TBXAS1: variants seen among roughly 807,000 people sequenced by gnomAD.
The protein encoded by TBXAS1 is thromboxane-A synthase.
In TBXAS1, 48 loss-of-function variants were observed where a neutral mutation model predicts 60.7. That is an observed-to-expected ratio of 0.79 (90% CI 0.63 to 1.01). The LOEUF (loss-of-function observed/expected upper bound fraction) is 1.01, where lower values mean the gene tolerates loss of function less well. Ranked by LOEUF, TBXAS1 falls within the 50% of genes least tolerant of loss-of-function variation. The pLI is 0.00. For synonymous variants in TBXAS1, 287 were observed against 269.7 expected (o/e 1.06, Z -0.63); for missense variants, 685 against 686.3 (o/e 1.00, Z 0.02).
intron 9 of TBXAS1, among the ~76,000 whole-genome samples, chr7:139,991,695 G>A (rs1403274229): frequency 6.6e-6 from 1 of 152,214 alleles, no homozygotes; most frequent in Non-Finnish European, 1.5e-5. Context: ...TGGAAGATGG[G>A]GAGTGGTGAC....
chr7:139,876,418 T>C (rs1327408899), intron 3 of TBXAS1, among the ~76,000 whole-genome samples: 3 of 152,190 alleles, frequency 2.0e-5, no homozygotes, highest in African/African-American at 7.2e-5. Flanking sequence ...TTTAGTTGGT[T>C]TTCACGCAGC....
intron 4 of TBXAS1, among the ~76,000 whole-genome samples, chr7:139,809,199 G>A (rs1225632488): frequency 1.0e-5 from 1 of 96,528 alleles, no homozygotes. Flanking sequence ...GGAGATAGAT[G>A]ATAGATAGAT....
At chr7:139,878,782 A>C (rs932436765) in intron 3 of TBXAS1, among the ~76,000 whole-genome samples, 1 of 152,108 alleles carries the variant, frequency 6.6e-6, no homozygotes, top group African/African-American at 2.4e-5. Context: ...TTTATTTTTT[A>C]TTTTACTTTT....
chr7:139,830,290 G>A (rs764746), intron 1 of TBXAS1, among the ~76,000 whole-genome samples: 103,835 of 152,078 alleles, frequency 0.68, 37,344 homozygotes, highest in East Asian at 0.92. Flanking sequence ...AATAATGGAG[G>A]ACTGGAGTCC....
chr7:139,985,882 A>G (rs1431233577), intron 9 of TBXAS1, among the ~76,000 whole-genome samples: 2 of 152,068 alleles, frequency 1.3e-5, no homozygotes, highest in African/African-American at 2.4e-5. Context: ...CCTCCCCCAT[A>G]GTGTGTGGAC....
At chr7:139,824,980 C>T (rs1315788944), upstream of TBXAS1, among the ~76,000 whole-genome samples, 1 of 151,804 alleles carries the variant, frequency 6.6e-6, no homozygotes, top group Non-Finnish European at 1.5e-5. Flanking sequence ...CAGGCACCTG[C>T]CATCATGCCT....
At chr7:139,917,853 G>C (rs1326637344) in intron 4 of TBXAS1, among the ~76,000 whole-genome samples, 2 of 152,182 alleles carry the variant, frequency 1.3e-5, no homozygotes, top group African/African-American at 2.4e-5. Flanking sequence ...TTAACAAAAA[G>C]AAATTAGTAA....
chr7:140,011,323 A>C (rs1439614959), intron 10 of TBXAS1, among the ~76,000 whole-genome samples: 1 of 105,072 alleles, frequency 9.5e-6, no homozygotes, highest in Non-Finnish European at 1.8e-5. Flanking sequence ...TCCCCTAAAC[A>C]ATGAAGAATA....
chr7:139,925,530 C>T (rs139295670), intron 4 of TBXAS1, among the ~76,000 whole-genome samples: 1 of 152,078 alleles, frequency 6.6e-6, no homozygotes, highest in Non-Finnish European at 1.5e-5. Flanking sequence ...TTTATGAGAT[C>T]TAATAGCTTT....
At chr7:140,009,976 C>T (rs1814469511) in intron 10 of TBXAS1, among the ~76,000 whole-genome samples, 1 of 123,132 alleles carries the variant, frequency 8.1e-6, no homozygotes, top group Admixed American at 8.2e-5. Context: ...ACCTGCCCCA[C>T]ACCTGCCCCA....
chr7:139,830,382 A>G (rs1196088393), intron 1 of TBXAS1, among the ~76,000 whole-genome samples: 1 of 152,214 alleles, frequency 6.6e-6, no homozygotes, highest in Non-Finnish European at 1.5e-5. Context: ...GAAAAGCATC[A>G]AGCATTATGC....
intron 5 of TBXAS1, among the ~76,000 whole-genome samples, chr7:139,939,541 A>C (rs1359170848): frequency 6.6e-6 from 1 of 151,940 alleles, no homozygotes; most frequent in Non-Finnish European, 1.5e-5. Flanking sequence ...TCCATCCCAG[A>C]GGCAGGAGAA....
intron 1 of TBXAS1, among the ~76,000 whole-genome samples, chr7:139,865,997 G>T (rs920731603): frequency 6.6e-6 from 1 of 152,142 alleles, no homozygotes; most frequent in Non-Finnish European, 1.5e-5. Context: ...GAATGAAGAA[G>T]AAATGATAGG....
intron 11 of TBXAS1, 50 bp from the exon 12 acceptor site, chr7:140,017,621 A>G: frequency 4.4e-6 from 7 of 1,607,108 alleles, no homozygotes; most frequent in Non-Finnish European, 5.1e-6. Flanking sequence ...AGGGCTGCAG[A>G]GGGGAGGGAG....
At chr7:139,947,133 A>G (rs949933124) in intron 5 of TBXAS1, among the ~76,000 whole-genome samples, 1 of 152,014 alleles carries the variant, frequency 6.6e-6, no homozygotes, top group Non-Finnish European at 1.5e-5. Flanking sequence ...TTTCACAGAC[A>G]CAGTTGGTAG....
chr7:139,937,126 G>A (rs779677983), intron 5 of TBXAS1, among the ~76,000 whole-genome samples: 6 of 152,174 alleles, frequency 3.9e-5, no homozygotes, highest in Non-Finnish European at 7.4e-5. Context: ...TCTGGCTTTG[G>A]TGTTTGCTGT....
intron 8 of TBXAS1, among the ~76,000 whole-genome samples, chr7:139,959,859 A>G (rs541125812): frequency 6.6e-6 from 1 of 152,178 alleles, no homozygotes; most frequent in African/African-American, 2.4e-5. Context: ...GGTGTCCCAG[A>G]GCTGAGGGAG....
intron 9 of TBXAS1, among the ~76,000 whole-genome samples, chr7:139,990,191 C>T (rs1417786159): frequency 6.6e-6 from 1 of 152,240 alleles, no homozygotes; most frequent in African/African-American, 2.4e-5. Flanking sequence ...CTTATACCCA[C>T]ACCTCCCTGC....
At chr7:139,862,519 G>A (rs1801044749) in intron 1 of TBXAS1, among the ~76,000 whole-genome samples, 1 of 152,178 alleles carries the variant, frequency 6.6e-6, no homozygotes, top group Non-Finnish European at 1.5e-5. Flanking sequence ...GGCACAGAAG[G>A]GGAGGAAGCC....
Sources: allele counts gnomAD v4.1 joint callset (sites outside exome capture counted in the v4.1 genomes callset), GRCh38; gene constraint gnomAD v4.1.1; transcripts MANE v1.5; gene names NCBI Gene and HGNC (gene_info 2026-07-23, HGNC 2026-07-21).